HACE1: variants seen among roughly 807,000 people sequenced by gnomAD.
HACE1 encodes the protein E3 ubiquitin-protein ligase HACE1.
A neutral mutation model predicts 118.4 loss-of-function variants in HACE1; 73 were observed. That is an observed-to-expected ratio of 0.62 (90% CI 0.51 to 0.75). The LOEUF (loss-of-function observed/expected upper bound fraction) is 0.75, where lower values mean the gene tolerates loss of function less well. Ranked by LOEUF, HACE1 falls within the 30% of genes least tolerant of loss-of-function variation. The pLI, the probability that HACE1 is intolerant of heterozygous loss-of-function variation, is 0.00. For synonymous variants in HACE1, 368 were observed against 374.8 expected, an observed-to-expected ratio of 0.98 and a Z score of 0.21; for missense variants, 749 against 1,102.2, an observed-to-expected ratio of 0.68 and a Z score of 4.54.
chr6:104,830,758 CT>C (rs3035081), intron 6 of HACE1, among the ~76,000 whole-genome samples: 1,651 of 132,902 alleles, frequency 0.012, 16 homozygotes, highest in African/African-American at 0.027. Context: ...AAATTACATT[CT>C]TTTTTTTTTT....
chr6:104,777,450 A>C (rs1781335562), intron 14 of HACE1, 133 bp from the exon 15 acceptor site: 1 of 688,518 alleles, frequency 1.5e-6, no homozygotes, highest in South Asian at 1.6e-5. Context: ...GAGTTACTGG[A>C]TAATGTTTGA....
intron 20 of HACE1, among the ~76,000 whole-genome samples, chr6:104,746,516 A>G (rs932129021): frequency 6.6e-6 from 1 of 152,148 alleles, no homozygotes; most frequent in Non-Finnish European, 1.5e-5. Context: ...CTGCTTCAGC[A>G]TCTCTTTGCA....
chr6:104,809,510 G>C (rs763567551), intron 7 of HACE1, among the ~76,000 whole-genome samples: 1 of 152,094 alleles, frequency 6.6e-6, no homozygotes, highest in African/African-American at 2.4e-5. Context: ...GAATCACTGT[G>C]GTTCAAGTAC....
chr6:104,848,486 T>C (rs931000458), intron 4 of HACE1, among the ~76,000 whole-genome samples: 1 of 150,404 alleles, frequency 6.6e-6, no homozygotes, highest in East Asian at 2.0e-4. Flanking sequence ...GTTTATAAAA[T>C]ATAAGTTCTT....
chr6:104,777,086 TCAC>T lies in HACE1; in HGVS notation c.1700_1702del (p.Cys567_Glu568delinsTer). The T allele has an allele frequency of 6.2e-7, 1 of 1,610,448 alleles. No individual in the cohort carries two copies. Among genetic ancestry groups the T allele is most frequent in the Non-Finnish European group, 8.5e-7 (1 of 1,176,770 alleles). On this transcript the variant is annotated stop_gained and inframe_deletion, in exon 16 of 24. Transcript: ENST00000262903. LOFTEE classifies it high-confidence loss of function. ...TGCACAATTTGCTTTTGACACAACT[TCAC>T]AGCTACTCCTAAAAATAGAATCTAA...
chr6:104,839,171 C>T (rs945719670), intron 5 of HACE1, among the ~76,000 whole-genome samples: 1 of 152,104 alleles, frequency 6.6e-6, no homozygotes, highest in Non-Finnish European at 1.5e-5. Flanking sequence ...ATTAGTATAG[C>T]CACTACGGAA....
At chr6:104,839,439 T>C (rs1402347176) in intron 5 of HACE1, among the ~76,000 whole-genome samples, 1 of 152,202 alleles carries the variant, frequency 6.6e-6, no homozygotes, top group Non-Finnish European at 1.5e-5. Context: ...CCATACAATA[T>C]AGTTCTATCT....
At chr6:104,764,252 A>G (rs1194204145) in intron 19 of HACE1, among the ~76,000 whole-genome samples, 2 of 151,948 alleles carry the variant, frequency 1.3e-5, no homozygotes, top group Non-Finnish European at 2.9e-5. Context: ...TAATTTTTGT[A>G]TTTTTAGTAG....
At chr6:104,821,672 C>G (rs1011417931) in intron 6 of HACE1, among the ~76,000 whole-genome samples, 1 of 152,090 alleles carries the variant, frequency 6.6e-6, no homozygotes, top group Admixed American at 6.5e-5. Flanking sequence ...GTAATTTGTA[C>G]CCCAACACAT....
rs894496807 is a variant in HACE1, at chr6:104,730,104, A to G, written c.2627+199T>C. Among the ~76,000 whole-genome samples the G allele has an allele frequency of 3.9e-5, 6 of 152,104 alleles. No individual in the cohort carries two copies. The East Asian group carries it at 7.7e-4, about 20-fold the overall frequency. ...AACTATAGTCAATTAAATTGTAGGG[A>G]GTTAGGGCTTCCTCAAACATTTTCC... is the stretch of plus-strand genomic sequence containing the variant. On this transcript the variant is annotated intron_variant, in intron 23 of 23. Coordinates refer to ENST00000262903, the MANE Select transcript of HACE1 (RefSeq NM_020771.4).
chr6:104,748,200 AAG>A (rs1158238359), intron 20 of HACE1, among the ~76,000 whole-genome samples: 2 of 152,258 alleles, frequency 1.3e-5, no homozygotes, highest in East Asian at 3.9e-4. Flanking sequence ...TATCTGATAA[AAG>A]ACTCTTATAA....
rs923364894 is a variant in HACE1, at chr6:104,756,129, C to A, written c.2212-5657G>T. On this transcript the variant is annotated intron_variant, in intron 19 of 23. Coordinates refer to ENST00000262903, the MANE Select transcript of HACE1 (RefSeq NM_020771.4). ...ACTGACCCCAAAGAAATATAAACAACCTGCCAGGCACGGTGGCTCATGCCT... is the reference window on the plus strand; with the variant it reads ...ACTGACCCCAAAGAAATATAAACAAACTGCCAGGCACGGTGGCTCATGCCT... Among the ~76,000 whole-genome samples, 34 of 151,966 alleles carry A rather than the reference C, an allele frequency of 2.2e-4. 1 individual carries two copies. Among genetic ancestry groups the A allele is most frequent in the Non-Finnish European group, 5.0e-4 (34 of 67,982 alleles).
chr6:104,851,832 G>GT (rs533908599), intron 2 of HACE1, among the ~76,000 whole-genome samples: 21 of 152,204 alleles, frequency 1.4e-4, no homozygotes, highest in Admixed American at 3.9e-4. Flanking sequence ...GCTGACTGGT[G>GT]TAAGTGTAAA....
At chr6:104,768,530 T>C (rs6922441) in intron 19 of HACE1, among the ~76,000 whole-genome samples, 85,935 of 151,896 alleles carry the variant, frequency 0.57, 25,947 homozygotes, top group African/African-American at 0.8. Context: ...AATCAGGTTA[T>C]TTATTAAATA....
intron 22 of HACE1, among the ~76,000 whole-genome samples, chr6:104,737,393 T>C (rs1282952841): frequency 2.0e-5 from 3 of 151,744 alleles, no homozygotes; most frequent in Non-Finnish European, 4.4e-5. Flanking sequence ...AAGATGGTGA[T>C]TTCTGCATTT....
intron 20 of HACE1, among the ~76,000 whole-genome samples, chr6:104,748,418 A>G (rs893374518): frequency 5.9e-5 from 9 of 152,192 alleles, no homozygotes; most frequent in Non-Finnish European, 1.2e-4. Flanking sequence ...GAAATGAAAA[A>G]GATGGAAAAT....
rs1456064285 is a variant in HACE1 at position 104,814,145 on chromosome 6, G to C, written c.535-2752C>G. On this transcript the variant is annotated intron_variant, in intron 6 of 23. Coordinates refer to ENST00000262903, the MANE Select transcript of HACE1 (RefSeq NM_020771.4). Reference sequence around the variant, plus strand: ...AATAAAGAAAAGAAAGGGGGTGAGGGACCAAAGGGGAATAACCAAGAAATA... The same window carrying C: ...AATAAAGAAAAGAAAGGGGGTGAGGCACCAAAGGGGAATAACCAAGAAATA... 2.2e-5 allele frequency among the ~76,000 whole-genome samples: 3 copies of C among 136,190 alleles called. No individual in the cohort carries two copies. The East Asian group carries it at 6.6e-4, about 30-fold the overall frequency. The allele number at this position is 136,190 out of a possible 152,430, so 89.3% of individuals were successfully genotyped here.
Position 104,859,652 on chromosome 6 carries a change from G to C in HACE1, c.-10C>G. The C allele has an allele frequency of 6.5e-7, 1 of 1,530,518 alleles. No homozygotes were observed. The highest frequency in any genetic ancestry group is 8.8e-7 in the Non-Finnish European group (1 of 1,142,280). The allele number at this position is 1,530,518 out of a possible 1,614,324, so 94.8% of individuals were successfully genotyped here. On this transcript the variant is annotated 5_prime_UTR_variant, in exon 1 of 24. Transcript: ENST00000262903. Reference sequence around the variant, plus strand: ...CCATCGCTCTCTCCATCCTCGGCGCGCCCTCCGCGATCCTCCGCGATCAGC... The same window carrying C: ...CCATCGCTCTCTCCATCCTCGGCGCCCCCTCCGCGATCCTCCGCGATCAGC...
At chr6:104,804,055 T>A (rs1311437615) in intron 7 of HACE1, among the ~76,000 whole-genome samples, 1 of 152,132 alleles carries the variant, frequency 6.6e-6, no homozygotes, top group African/African-American at 2.4e-5. Flanking sequence ...TCACAAGCAT[T>A]CTTATACACC....
Sources: allele counts gnomAD v4.1 joint callset (sites outside exome capture counted in the v4.1 genomes callset), GRCh38; gene constraint gnomAD v4.1.1; transcripts MANE v1.5; gene names NCBI Gene and HGNC (gene_info 2026-07-23, HGNC 2026-07-21).